UGT1A5: variants seen among roughly 807,000 people sequenced by gnomAD.
UGT1A5 encodes UDP glucuronosyltransferase family 1 member A5.
In UGT1A5, 29 loss-of-function variants were observed where a neutral mutation model predicts 40.3. The ratio of observed to expected loss-of-function variants is 0.72; its 90% CI spans 0.54 to 0.98. The LOEUF (loss-of-function observed/expected upper bound fraction) is 0.98. Among genes scored for constraint, UGT1A5 ranks in the 50% least tolerant of loss-of-function variants. The pLI is 0.00. For missense variants in UGT1A5, 678 were observed against 677.9 expected, an observed-to-expected ratio of 1.00 and a Z score of 0.00; for synonymous variants, 257 against 262.5, an observed-to-expected ratio of 0.98 and a Z score of 0.20.
chr2:233,715,350 G>A (rs756045317), intron 1 of UGT1A5, among the ~76,000 whole-genome samples: 3 of 151,318 alleles, frequency 2.0e-5, no homozygotes, highest in Non-Finnish European at 4.4e-5. Context: ...GTAGGTTTGA[G>A]GTTTGAGACT....
At chr2:233,733,982 G>A (rs1360923030) in intron 1 of UGT1A5, among the ~76,000 whole-genome samples, 2 of 152,070 alleles carry the variant, frequency 1.3e-5, no homozygotes, top group Non-Finnish European at 2.9e-5. Flanking sequence ...GGGAGGGATA[G>A]CATTAGGAGA....
chr2:233,756,139 A>C lies in UGT1A5; in HGVS notation c.868-10895A>C, dbSNP rs548564023. ...CTTTGTAAAATTCTCCTGAAAAATT[A>C]CTGGGGATCCCTAGGATTTCCTGGC... On this transcript the variant is annotated intron_variant, in intron 1 of 4. Coordinates refer to ENST00000373414, the MANE Select transcript of UGT1A5 (RefSeq NM_019078.2). 16 of 152,358 alleles carry C rather than the reference A, an allele frequency of 1.1e-4. No individual in the cohort carries two copies. In the East Asian group the frequency reaches 1.4e-3, roughly 13 times the overall value. 9.4% of individuals were successfully genotyped at this position (152,358 alleles called of 1,614,324 possible). A position where few individuals can be genotyped will look rare whatever the true frequency, so the allele number is the denominator to read the frequency against.
rs1430116082 is a variant in UGT1A5 at position 233,769,294 on chromosome 2, T to A, written c.1307+855T>A. ...AGGGCAAATGATTTCTGGATTAAAGTTAGTATATTACTGTCAAGCTCACTG... is the reference window on the plus strand; with the variant it reads ...AGGGCAAATGATTTCTGGATTAAAGATAGTATATTACTGTCAAGCTCACTG... On this transcript the variant is annotated intron_variant, in intron 4 of 4. Coordinates refer to ENST00000373414, the MANE Select transcript of UGT1A5 (RefSeq NM_019078.2). This position sits in a 1 kb window ranked among gnomAD's most constrained non-coding sequence, Gnocchi z 4.4. Among the ~76,000 whole-genome samples, 2 of 152,234 alleles carry A rather than the reference T, an allele frequency of 1.3e-5. No homozygotes were observed. The highest frequency in any genetic ancestry group is 4.8e-5 in the African/African-American group (2 of 41,454).
chr2:233,771,260 C>CT (rs891018282), intron 4 of UGT1A5: 6 of 151,570 alleles, frequency 4.0e-5, no homozygotes, highest in Admixed American at 6.6e-5. Flanking sequence ...ATAGGAGTGC[C>CT]TTTTTTTTTC....
intron 1 of UGT1A5, chr2:233,747,220 A>G: frequency 6.2e-7 from 1 of 1,605,538 alleles, no homozygotes; most frequent in South Asian, 1.1e-5. Flanking sequence ...TGAGATGGCC[A>G]CAGGACCCCA....
At chr2:233,756,950 A>C (rs1419831234) in intron 1 of UGT1A5, among the ~76,000 whole-genome samples, 3 of 152,034 alleles carry the variant, frequency 2.0e-5, no homozygotes, top group Admixed American at 2.0e-4. Flanking sequence ...TGAAACCCGG[A>C]CTTGGCACTT....
intron 1 of UGT1A5, among the ~76,000 whole-genome samples, chr2:233,728,930 G>T (rs144892248): frequency 2.1e-5 from 3 of 145,550 alleles, no homozygotes; most frequent in Non-Finnish European, 4.4e-5. Flanking sequence ...GTCATGATCG[G>T]TCTTTTCCAG....
rs550981457 is a variant in UGT1A5, at chr2:233,769,346, G to C, written c.1307+907G>C. ...TAATAGGCTTATTAGAACCTTATGG[G>C]AAGAAGTGGTGGCCAGTGGTAGATT... On this transcript the variant is annotated intron_variant, in intron 4 of 4. Coordinates refer to ENST00000373414, the MANE Select transcript of UGT1A5 (RefSeq NM_019078.2). This position sits in a 1 kb window ranked among gnomAD's most constrained non-coding sequence, Gnocchi z 4.4. Among the ~76,000 whole-genome samples, 7 of 152,360 alleles carry C rather than the reference G, an allele frequency of 4.6e-5. No homozygotes were observed. In the South Asian group the frequency reaches 1.5e-3, roughly 32 times the overall value.
At chr2:233,759,288 G>A (rs1441627679) in intron 1 of UGT1A5, among the ~76,000 whole-genome samples, 1 of 152,182 alleles carries the variant, frequency 6.6e-6, no homozygotes, top group African/African-American at 2.4e-5. Context: ...GGTTGATGAA[G>A]CTGAGCCCTG....
chr2:233,726,214 T>C (rs560651171), intron 1 of UGT1A5, among the ~76,000 whole-genome samples: 20 of 152,276 alleles, frequency 1.3e-4, no homozygotes, highest in Non-Finnish European at 2.5e-4. Context: ...TTAAAAAGTT[T>C]AGAAAACATT....
intron 1 of UGT1A5, among the ~76,000 whole-genome samples, chr2:233,762,377 A>T (rs182919265): frequency 5.6e-4 from 86 of 152,370 alleles, no homozygotes; most frequent in African/African-American, 2.0e-3. Context: ...ACCAATATGT[A>T]TATAGAAACA....
intron 1 of UGT1A5, among the ~76,000 whole-genome samples, chr2:233,715,827 T>C (rs1034549084): frequency 6.6e-6 from 1 of 152,092 alleles, no homozygotes; most frequent in African/African-American, 2.4e-5. Flanking sequence ...TTAGAAAACA[T>C]TTTTTTAAAA....
intron 1 of UGT1A5, chr2:233,760,792 G>C (rs1185395607): frequency 6.2e-7 from 1 of 1,613,510 alleles, no homozygotes. Flanking sequence ...TCTGCCCACT[G>C]TATTCTTCTT....
chr2:233,718,364 C>T (rs3732221), intron 1 of UGT1A5, among the ~76,000 whole-genome samples: 15,455 of 152,278 alleles, frequency 0.1, 904 homozygotes, highest in East Asian at 0.2. Flanking sequence ...GTGTTATTCA[C>T]ATATGAGAAG....
rs780016114 is a variant in UGT1A5, at chr2:233,760,397, G to T, written c.868-6637G>T. 2.0e-5 allele frequency: 33 copies of T among 1,614,006 alleles called. No homozygotes were observed. The highest frequency in any genetic ancestry group is 2.7e-5 in the Non-Finnish European group (32 of 1,180,022). The stretch of plus-strand genomic sequence containing the variant: ...AAGATACTGTTGATCCCAGTGGATG[G>T]CAGCCACTGGCTGAGCATGCTTGGG... On this transcript the variant is annotated intron_variant, in intron 1 of 4. Coordinates refer to ENST00000373414, the MANE Select transcript of UGT1A5 (RefSeq NM_019078.2).
At chr2:233,745,373 C>A (rs1317791294) in intron 1 of UGT1A5, among the ~76,000 whole-genome samples, 1 of 151,774 alleles carries the variant, frequency 6.6e-6, no homozygotes, top group East Asian at 1.9e-4. Flanking sequence ...GATCTGAGTT[C>A]TCTTCACCTC....
At chr2:233,719,031 G>C (rs140140394) in intron 1 of UGT1A5, 1,168 of 1,614,166 alleles carry the variant, frequency 7.2e-4, no homozygotes, top group Non-Finnish European at 9.3e-4. Flanking sequence ...GCACATCAAA[G>C]AAGAGAAATT....
intron 1 of UGT1A5, among the ~76,000 whole-genome samples, chr2:233,725,738 A>G (rs1198511442): frequency 6.6e-6 from 1 of 152,210 alleles, no homozygotes; most frequent in Non-Finnish European, 1.5e-5. Flanking sequence ...ACAAATGTAA[A>G]CATTGTAAGA....
intron 1 of UGT1A5, chr2:233,755,364 C>G (rs1279732640): frequency 1.4e-5 from 5 of 364,304 alleles, no homozygotes; most frequent in Non-Finnish European, 2.6e-5. Flanking sequence ...ACCTGGGCCG[C>G]CTGGAGGGCC....
Sources: allele counts gnomAD v4.1 joint callset (sites outside exome capture counted in the v4.1 genomes callset), GRCh38; gene constraint gnomAD v4.1.1; non-coding constraint Gnocchi (gnomAD v3.1); transcripts MANE v1.5; gene names NCBI Gene and HGNC (gene_info 2026-07-23, HGNC 2026-07-21).